Variants in NGLY1 observed in about 807,000 individuals in gnomAD.
The protein encoded by NGLY1 is peptide-N(4)-(N-acetyl-beta-glucosaminyl)asparagine amidase.
NGLY1 carries 68 observed loss-of-function variants against 84.6 expected under a neutral mutation model. The ratio of observed to expected loss-of-function variants is 0.80; its 90% CI spans 0.66 to 0.98. The LOEUF (loss-of-function observed/expected upper bound fraction) is 0.98. NGLY1 is among the 50% of genes least tolerant of loss of function. The pLI, the probability that NGLY1 is intolerant of heterozygous loss-of-function variation, is 0.00. For missense variants in NGLY1, 779 were observed against 770.2 expected (o/e 1.01, Z -0.14); for synonymous variants, 280 against 275.2 (o/e 1.02, Z -0.17).
At chr3:25,784,515 C>G (rs1158417763), upstream of NGLY1, among the ~76,000 whole-genome samples, 1 of 152,186 alleles carries the variant, frequency 6.6e-6, no homozygotes, top group Non-Finnish European at 1.5e-5. Flanking sequence ...CCACCATGTT[C>G]TTGAAAGTGT....
chr3:25,722,272 C>CATAT (rs1308204639), intron 10 of NGLY1, among the ~76,000 whole-genome samples: 2,686 of 67,200 alleles, frequency 0.04, 85 homozygotes, highest in African/African-American at 0.071. Flanking sequence ...TCTGTATACA[C>CATAT]ACATATATAT....
At chr3:25,779,012 T>G (rs1417770805) in intron 1 of NGLY1, among the ~76,000 whole-genome samples, 1 of 133,578 alleles carries the variant, frequency 7.5e-6, no homozygotes, top group Non-Finnish European at 1.6e-5. Context: ...CTCGGCTCAC[T>G]ACAGCCTCCA....
intron 1 of NGLY1, among the ~76,000 whole-genome samples, chr3:25,779,581 C>A (rs1708317314): frequency 6.7e-6 from 1 of 150,220 alleles, no homozygotes; most frequent in Admixed American, 6.6e-5. Context: ...GGAAGATGTA[C>A]TTCCATAAGA....
rs748299536 is a variant in NGLY1, at chr3:25,737,396, T to C, written c.941A>G (p.Asn314Ser). The C allele has an allele frequency of 2.5e-6, 4 of 1,614,028 alleles. No individual in the cohort carries two copies. Among genetic ancestry groups the C allele is most frequent in the South Asian group, 2.2e-5 (2 of 91,072 alleles). ...AGCTCGGCAGCACAGTGTAAAACAA[T>C]TGGCCCACTCGCCACACCGTCCACA... ...TRCGRCGEWA[N>S]CFTLCCRAVG... The change falls in exon 6 of 12, where the codon AAT becomes AGT. Residue 314 changes from asparagine to serine, a missense_variant. Asn to Ser is a conservative substitution (Grantham distance 46, BLOSUM62 1). Transcript: ENST00000280700.
intron 6 of NGLY1, chr3:25,736,699 C>A: frequency 4.1e-6 from 1 of 245,424 alleles, no homozygotes; most frequent in East Asian, 8.8e-5. Flanking sequence ...ACACAAATAT[C>A]ACATGACTTT....
chr3:25,736,272 A>G (rs752372102), intron 6 of NGLY1, 123 bp from the exon 7 acceptor site: 82 of 1,550,704 alleles, frequency 5.3e-5, no homozygotes, highest in Non-Finnish European at 6.5e-5. Flanking sequence ...ATTTCAGTTA[A>G]TAAGTGCATT....
intron 3 of NGLY1, among the ~76,000 whole-genome samples, chr3:25,760,819 C>A (rs1016787959): frequency 3.0e-5 from 3 of 100,716 alleles, no homozygotes; most frequent in Non-Finnish European, 6.2e-5. Context: ...GAGATCACGC[C>A]ATTGCACTCC....
intron 4 of NGLY1, among the ~76,000 whole-genome samples, chr3:25,748,786 A>AAAATTCACTAATTT (rs1706571086): frequency 6.6e-6 from 1 of 152,316 alleles, no homozygotes; most frequent in Non-Finnish European, 1.5e-5. Context: ...GATTCACATT[A>AAAATTCACTAATTT]AAATTCACTA....
chr3:25,761,689 G>C (rs1707329683), intron 3 of NGLY1, among the ~76,000 whole-genome samples: 1 of 152,102 alleles, frequency 6.6e-6, no homozygotes, highest in African/African-American at 2.4e-5. Context: ...ATACAACCCA[G>C]TGGTTCCACT....
chr3:25,749,908 G>T, intron 4 of NGLY1: 1 of 748,772 alleles, frequency 1.3e-6, no homozygotes, highest in Non-Finnish European at 2.3e-6. Context: ...CAGCTCATGT[G>T]CATGTTTTGT....
intron 2 of NGLY1, among the ~76,000 whole-genome samples, chr3:25,777,393 C>T (rs1192046737): frequency 2.1e-5 from 1 of 47,934 alleles, no homozygotes; most frequent in Non-Finnish European, 5.6e-5. Context: ...GAAACTCCAT[C>T]TCAAAAAAAA....
intron 1 of NGLY1, among the ~76,000 whole-genome samples, chr3:25,779,974 G>C (rs1011752727): frequency 5.9e-5 from 9 of 152,102 alleles, no homozygotes; most frequent in African/African-American, 2.2e-4. Context: ...TTGTTTACAA[G>C]TGCATAAAAA....
rs577599250 is a variant in NGLY1, at chr3:25,758,456, T to C, written c.492+5610A>G. Among the ~76,000 whole-genome samples, 46 of 152,114 alleles carry C rather than the reference T, an allele frequency of 3.0e-4. 1 individual carries two copies. Among genetic ancestry groups the C allele is most frequent in the Admixed American group, 2.2e-3 (34 of 15,284 alleles). ...TAGCTGGGCTTGGGGCACACACCTGTAGTCCCAGCTACTTGGAAGGCTGAG... is the reference window on the plus strand; with the variant it reads ...TAGCTGGGCTTGGGGCACACACCTGCAGTCCCAGCTACTTGGAAGGCTGAG... On this transcript the variant is annotated intron_variant, in intron 3 of 11. Transcript: ENST00000280700.
At chr3:25,754,821 G>A (rs1488411354) in intron 3 of NGLY1, 6 of 518,050 alleles carry the variant, frequency 1.2e-5, no homozygotes, top group Non-Finnish European at 2.1e-5. Context: ...GAGCAACTGG[G>A]TCAGCACTTG....
intron 1 of NGLY1, among the ~76,000 whole-genome samples, chr3:25,789,525 T>C (rs1006917593): frequency 6.6e-6 from 1 of 152,180 alleles, no homozygotes; most frequent in Non-Finnish European, 1.5e-5. Context: ...AACGGATATA[T>C]ACTGTTTTGT....
chr3:25,719,464 A>C lies in NGLY1; in HGVS notation c.1961T>G (p.Leu654Arg). The C allele has an allele frequency of 6.2e-7, 1 of 1,613,026 alleles. No homozygotes were observed. Among genetic ancestry groups the C allele is most frequent in the African/African-American group, 1.3e-5 (1 of 75,010 alleles). ...CLEIIIKFSD[L>R] ...TTTTCTATAATGTTCAGGTTCTCAA[A>C]GGTCACTGAATTTTATAATTATCTC... Residue 654 changes from leucine (L) to arginine (R), a missense_variant, in exon 12 of 12, where the codon CTT becomes CGT. Coordinates refer to ENST00000280700, the MANE Select transcript of NGLY1 (RefSeq NM_018297.4).
At chr3:25,786,479 G>A (rs1708606020), upstream of NGLY1, among the ~76,000 whole-genome samples, 2 of 152,058 alleles carry the variant, frequency 1.3e-5, no homozygotes, top group Admixed American at 1.3e-4. Context: ...CCATTCTTTG[G>A]TTGTTTGAAA....
chr3:25,764,271 T>C lies in NGLY1; in HGVS notation c.287A>G (p.Glu96Gly). ...CAGGTCACGAATTTTTTGCAGCTGC[T>C]CCACTGAAGCTTTTTTAGGAAAGAT... ...HLIFPKKASV[E>G]QLQKIRDLIA... The change falls in exon 3 of 12, where the codon GAG becomes GGG. Residue 96 changes from glutamate to glycine, a missense_variant. Coordinates refer to ENST00000280700, the MANE Select transcript of NGLY1 (RefSeq NM_018297.4). 2.5e-6 allele frequency: 4 copies of C among 1,614,074 alleles called. No homozygotes were observed. Among genetic ancestry groups the C allele is most frequent in the East Asian group, 2.2e-5 (1 of 44,882 alleles).
chr3:25,741,130 TAAAAAAAAAA>T (rs376282084), intron 4 of NGLY1, among the ~76,000 whole-genome samples: 3,411 of 105,646 alleles, frequency 0.032, 72 homozygotes, highest in Non-Finnish European at 0.044. Context: ...TCTGTCTCAT[TAAAAAAAAAA>T]AAAAAAAAAA....
Sources: allele counts gnomAD v4.1 joint callset (sites outside exome capture counted in the v4.1 genomes callset), GRCh38; gene constraint gnomAD v4.1.1; transcripts MANE v1.5; gene names NCBI Gene and HGNC (gene_info 2026-07-23, HGNC 2026-07-21).